Variants in HMGCLL1 observed in about 807,000 individuals in gnomAD.
HMGCLL1 encodes the protein 3-hydroxymethyl-3-methylglutaryl-CoA lyase, cytoplasmic.
Under a neutral mutation model 39.1 loss-of-function variants are expected in HMGCLL1, and 36 were observed. The observed-to-expected ratio is 0.92, with a 90% confidence interval of 0.71 to 1.22. The LOEUF is 1.22. Ranked by LOEUF, HMGCLL1 falls within the 50% of genes most tolerant of loss-of-function variation. The pLI is 0.00. For missense variants in HMGCLL1, 451 were observed against 416.5 expected (o/e 1.08, Z -0.72); for synonymous variants, 149 against 144.0 (o/e 1.03, Z -0.25).
intron 3 of HMGCLL1, among the ~76,000 whole-genome samples, chr6:55,525,357 G>A (rs1483198346): frequency 2.0e-5 from 3 of 151,926 alleles, no homozygotes; most frequent in Non-Finnish European, 2.9e-5. Context: ...ATGAAATTAG[G>A]TCCCTTCAAA....
At chr6:55,636,655 C>T in the HMGCLL1 span, among the ~76,000 whole-genome samples, 1 of 152,122 alleles carries the variant, frequency 6.6e-6, no homozygotes, top group East Asian at 1.9e-4. Flanking sequence ...CTGGAGAGTG[C>T]AAACAAAGGA....
In HMGCLL1 at chr6:55,439,643, C is replaced by A. The variant is rs1763514751; in HGVS notation, c.796-84G>T. The A allele has an allele frequency of 2.9e-5, 41 of 1,426,396 alleles. No homozygotes were observed. In the South Asian group the frequency reaches 4.5e-4, roughly 16 times the overall value. 88.4% of individuals were successfully genotyped at this position (1,426,396 alleles called of 1,614,324 possible). ...TTTCTATTTAACCTATGGTAAACTG[C>A]AAATAAGCAAAATCTGAACTGGTTA... is the stretch of plus-strand genomic sequence containing the variant. On this transcript the variant is annotated intron_variant, in intron 7 of 8. Transcript: ENST00000274901.
intron 1 of HMGCLL1, among the ~76,000 whole-genome samples, chr6:55,560,616 G>A (rs1770900758): frequency 6.6e-6 from 1 of 151,822 alleles, no homozygotes; most frequent in Non-Finnish European, 1.5e-5. Flanking sequence ...TTAATCATTT[G>A]CCTGAAAAGT....
the HMGCLL1 span, among the ~76,000 whole-genome samples, chr6:55,618,938 A>G: frequency 2.0e-5 from 3 of 152,166 alleles, no homozygotes; most frequent in Admixed American, 6.6e-5. Flanking sequence ...GTGAGATTTT[A>G]AAGTGTTTAC....
At chr6:55,662,817 TTTG>T in the HMGCLL1 span, among the ~76,000 whole-genome samples, 4 of 151,608 alleles carry the variant, frequency 2.6e-5, no homozygotes, top group Non-Finnish European at 4.4e-5. Flanking sequence ...GACCCTGGGT[TTTG>T]TTGTTGTTGT....
chr6:55,496,361 T>C lies in HMGCLL1; in HGVS notation c.607-754A>G, dbSNP rs553651068. 1.2e-3 allele frequency among the ~76,000 whole-genome samples: 188 copies of C among 152,246 alleles called. 1 individual carries two copies. The highest frequency in any genetic ancestry group is 4.1e-3 in the African/African-American group (171 of 41,556). On this transcript the variant is annotated intron_variant, in intron 6 of 8. Coordinates refer to ENST00000274901, the MANE Select transcript of HMGCLL1 (RefSeq NM_001042406.2). Reference sequence around the variant, plus strand: ...AGCACACAGACTGTAGATAGTGCCATTCTCATTCAAGAGAAATGTGCATGT... The same window carrying C: ...AGCACACAGACTGTAGATAGTGCCACTCTCATTCAAGAGAAATGTGCATGT...
intron 7 of HMGCLL1, among the ~76,000 whole-genome samples, chr6:55,477,735 T>G (rs989229221): frequency 6.7e-6 from 1 of 149,946 alleles, no homozygotes; most frequent in Admixed American, 6.7e-5. Context: ...TTTTCTAATG[T>G]AAAGCCAAAC....
chr6:55,516,352 A>G (rs1369089055), intron 4 of HMGCLL1, among the ~76,000 whole-genome samples, 156 bp downstream of exon 4: 1 of 152,072 alleles, frequency 6.6e-6, no homozygotes, highest in Non-Finnish European at 1.5e-5. Context: ...GTCCCCAACA[A>G]TGCTGTGAGG....
At chr6:55,501,129 T>G (rs953522355) in intron 5 of HMGCLL1, among the ~76,000 whole-genome samples, 2 of 151,758 alleles carry the variant, frequency 1.3e-5, no homozygotes, top group East Asian at 3.9e-4. Flanking sequence ...CATTTCATGT[T>G]CATATGCTCT....
chr6:55,577,286 T>A (rs898879422), intron 1 of HMGCLL1: 22 of 1,335,470 alleles, frequency 1.6e-5, no homozygotes, highest in Middle Eastern at 2.0e-4. Context: ...GAATTATTTT[T>A]AAAAATTCCC....
At chr6:55,543,098 A>AAT (rs1769579536) in intron 1 of HMGCLL1, among the ~76,000 whole-genome samples, 1 of 9,994 alleles carries the variant, frequency 1.0e-4, no homozygotes, top group African/African-American at 2.7e-4. Context: ...TATATAATAT[A>AAT]ATATATGATA....
At chr6:55,528,648 T>TA (rs1195322200) in intron 3 of HMGCLL1, among the ~76,000 whole-genome samples, 1 of 151,488 alleles carries the variant, frequency 6.6e-6, no homozygotes, top group African/African-American at 2.4e-5. Context: ...CCAGTTTTTT[T>TA]TTTTCTACCC....
the HMGCLL1 span, among the ~76,000 whole-genome samples, chr6:55,651,946 G>A: frequency 6.6e-6 from 1 of 152,048 alleles, no homozygotes; most frequent in Admixed American, 6.6e-5. Flanking sequence ...CTCTCTTTGG[G>A]TCACGTGGCT....
At chr6:55,592,041 A>G in the HMGCLL1 span, among the ~76,000 whole-genome samples, 1 of 151,994 alleles carries the variant, frequency 6.6e-6, no homozygotes, top group Non-Finnish European at 1.5e-5. Context: ...TACATTTGGA[A>G]AACTTTTTTG....
intron 7 of HMGCLL1, among the ~76,000 whole-genome samples, chr6:55,484,111 T>C (rs570570096): frequency 6.6e-6 from 1 of 152,306 alleles, no homozygotes; most frequent in East Asian, 1.9e-4. Context: ...TAGGTAGTCA[T>C]GTACCTCTTC....
intron 1 of HMGCLL1, among the ~76,000 whole-genome samples, chr6:55,559,833 A>C (rs1412503635): frequency 6.6e-6 from 1 of 152,198 alleles, no homozygotes. Flanking sequence ...ATGCTGCCTT[A>C]CCTTTCTCTG....
At chr6:55,639,416 A>T in the HMGCLL1 span, among the ~76,000 whole-genome samples, 244 of 151,036 alleles carry the variant, frequency 1.6e-3, 2 homozygotes, top group Middle Eastern at 6.8e-3. Flanking sequence ...TTCTAGACAC[A>T]GGAAATGCTT....
At chr6:55,507,756 A>T (rs922293932) in intron 5 of HMGCLL1, among the ~76,000 whole-genome samples, 3 of 151,766 alleles carry the variant, frequency 2.0e-5, no homozygotes, top group African/African-American at 7.3e-5. Flanking sequence ...TCTTATGTTC[A>T]ATATGAAAGA....
chr6:55,477,148 ATATATTATATATTAT>A lies in HMGCLL1; in HGVS notation c.795+18256_795+18270del, dbSNP rs1282553839. On this transcript the variant is annotated intron_variant, in intron 7 of 8. Coordinates refer to ENST00000274901, the MANE Select transcript of HMGCLL1 (RefSeq NM_001042406.2). The stretch of plus-strand genomic sequence containing the variant: ...CATATATATATAATAGATATAATAT[ATATATTATATATTAT>A]AATATAATATATATTATATTTATAT... 1.1e-3 allele frequency among the ~76,000 whole-genome samples: 67 copies of A among 63,710 alleles called. 2 individuals carry two copies. Among genetic ancestry groups the A allele is most frequent in the African/African-American group, 3.4e-3 (53 of 15,804 alleles). The allele number at this position is 63,710 out of a possible 152,430, so 41.8% of individuals were successfully genotyped here. A position where few individuals can be genotyped will look rare whatever the true frequency, so the allele number is the denominator to read the frequency against.
Sources: allele counts gnomAD v4.1 joint callset (sites outside exome capture counted in the v4.1 genomes callset), GRCh38; gene constraint gnomAD v4.1.1; transcripts MANE v1.5; gene names NCBI Gene and HGNC (gene_info 2026-07-23, HGNC 2026-07-21).